The following LAPTM4A variants were observed in gnomAD, a reference collection of about 807,000 sequenced individuals.
The protein encoded by LAPTM4A is lysosomal protein transmembrane 4 alpha.
A neutral mutation model predicts 29.9 loss-of-function variants in LAPTM4A; 19 were observed. That is an observed-to-expected ratio of 0.64 (90% confidence interval 0.44 to 0.93). LAPTM4A has a LOEUF of 0.93. Among genes scored for constraint, LAPTM4A ranks in the 40% least tolerant of loss-of-function variants. The pLI, the probability that LAPTM4A is intolerant of heterozygous loss-of-function variation, is 0.00. For synonymous variants in LAPTM4A, 105 were observed against 102.1 expected (o/e 1.03, Z -0.17); for missense variants, 293 against 288.5 (o/e 1.02, Z -0.11).
At chr2:20,044,549 G>A (rs759006234) in intron 1 of LAPTM4A, among the ~76,000 whole-genome samples, 1 of 152,306 alleles carries the variant, frequency 6.6e-6, no homozygotes, top group African/African-American at 2.4e-5. Context: ...AGGATCGCCT[G>A]AGCTCTGGAG....
At chr2:20,035,685 A>G (rs191227465) in intron 4 of LAPTM4A, among the ~76,000 whole-genome samples, 1 of 152,370 alleles carries the variant, frequency 6.6e-6, no homozygotes, top group African/African-American at 2.4e-5. Flanking sequence ...GAAAGGTGTT[A>G]TAAAAGAAGA....
chr2:20,037,286 A>G, intron 4 of LAPTM4A, 30 bp downstream of exon 4: 1 of 1,532,210 alleles, frequency 6.5e-7, no homozygotes, highest in Non-Finnish European at 8.8e-7. Context: ...AAATGAAAAA[A>G]AAATAAGTTT....
At chr2:20,047,594 G>T (rs1406685545) in intron 1 of LAPTM4A, among the ~76,000 whole-genome samples, 1 of 150,218 alleles carries the variant, frequency 6.7e-6, no homozygotes, top group African/African-American at 2.4e-5. Flanking sequence ...GGAGGCTGAG[G>T]CAGGAGAATG....
At chr2:20,034,495 C>CT in intron 5 of LAPTM4A, 80 bp from the exon 6 acceptor site, 1 of 947,848 alleles carries the variant, frequency 1.1e-6, no homozygotes, top group Non-Finnish European at 1.7e-6. Context: ...ACTTAGAATG[C>CT]TTTCCCCACA....
Position 20,034,387 on chromosome 2 carries a change from C to A in LAPTM4A, c.557G>T (p.Cys186Phe). Residue 186 changes from cysteine (C) to phenylalanine (F), a missense_variant, in exon 6 of 7, where the codon TGC becomes TTC. Physicochemically the swap from Cys to Phe is radical, Grantham distance 205. Transcript: ENST00000175091. ...GTTTCGGTTGTTGATGTATTTATAGCAGTTCCAAACACAGTTAATTAGATA... is the reference window on the plus strand; with the variant it reads ...GTTTCGGTTGTTGATGTATTTATAGAAGTTCCAAACACAGTTAATTAGATA... ...KAYLINCVWN[C>F]YKYINNRNVP... 6.2e-7 allele frequency: 1 copy of A among 1,613,594 alleles called. No homozygotes were observed. Among genetic ancestry groups the A allele is most frequent in the Middle Eastern group, 1.7e-4 (1 of 6,058 alleles).
chr2:20,047,117 T>C (rs1393832435), intron 1 of LAPTM4A, among the ~76,000 whole-genome samples: 4 of 151,762 alleles, frequency 2.6e-5, no homozygotes, highest in Non-Finnish European at 5.9e-5. Context: ...TGGCTGGGCA[T>C]GGTAGCTCAC....
intron 1 of LAPTM4A, among the ~76,000 whole-genome samples, chr2:20,049,507 G>A (rs1398951): frequency 9.9e-5 from 15 of 152,002 alleles, no homozygotes; most frequent in African/African-American, 3.6e-4. Context: ...ATAAGCGCCC[G>A]TAATGAAGTT....
chr2:20,033,133 T>C lies in LAPTM4A; in HGVS notation c.*72A>G. On this transcript the variant is annotated 3_prime_UTR_variant, in exon 7 of 7. Transcript: ENST00000175091. ...TATATCAAACAAGTTTGAAGAGCCC[T>C]GAATTGCAGCATTCTGTAACATAAA... is the stretch of plus-strand genomic sequence containing the variant. 1 of 1,247,090 alleles carries C rather than the reference T, an allele frequency of 8.0e-7. No individual in the cohort carries two copies. Among genetic ancestry groups the C allele is most frequent in the South Asian group, 1.2e-5 (1 of 83,038 alleles). 77.3% of individuals were successfully genotyped at this position (1,247,090 alleles called of 1,614,324 possible). A position where few individuals can be genotyped will look rare whatever the true frequency, so the allele number is the denominator to read the frequency against.
intron 1 of LAPTM4A, among the ~76,000 whole-genome samples, chr2:20,045,492 T>C (rs1208224913): frequency 6.6e-6 from 1 of 151,972 alleles, no homozygotes; most frequent in Non-Finnish European, 1.5e-5. Context: ...GATTAAATTA[T>C]TAACTTCTAA....
intron 4 of LAPTM4A, 81 bp downstream of exon 4, chr2:20,037,235 C>G (rs963462327): frequency 3.9e-5 from 49 of 1,248,296 alleles, no homozygotes; most frequent in Non-Finnish European, 5.3e-5. Flanking sequence ...AAAAATAATA[C>G]CTAAGGCTGA....
intron 1 of LAPTM4A, among the ~76,000 whole-genome samples, chr2:20,047,416 C>T (rs1202480800): frequency 2.9e-4 from 42 of 147,174 alleles, no homozygotes; most frequent in African/African-American, 1.1e-3. Flanking sequence ...AAAGGCCGGG[C>T]GCGGTGGCTC....
intron 1 of LAPTM4A, among the ~76,000 whole-genome samples, chr2:20,045,787 G>C (rs929259318): frequency 1.2e-4 from 19 of 152,072 alleles, no homozygotes; most frequent in African/African-American, 4.3e-4. Context: ...AAGATTCTCT[G>C]GAGACTTTAA....
At chr2:20,051,193 C>T (rs1441956779) in intron 1 of LAPTM4A, among the ~76,000 whole-genome samples, 3 of 152,150 alleles carry the variant, frequency 2.0e-5, no homozygotes, top group Non-Finnish European at 4.4e-5. Flanking sequence ...ACAATCTCCC[C>T]ATGCTTACCA....
chr2:20,038,892 A>G (rs1673736586), intron 2 of LAPTM4A, among the ~76,000 whole-genome samples: 1 of 152,170 alleles, frequency 6.6e-6, no homozygotes, highest in African/African-American at 2.4e-5. Context: ...ACAACTGCTG[A>G]ATATTCCCTA....
chr2:20,043,211 C>CTTTT (rs768927745), intron 1 of LAPTM4A, among the ~76,000 whole-genome samples: 2 of 78,286 alleles, frequency 2.6e-5, no homozygotes, highest in Non-Finnish European at 5.0e-5. Flanking sequence ...TAGCTGGGAC[C>CTTTT]TTTTTTTTTT....
intron 1 of LAPTM4A, among the ~76,000 whole-genome samples, chr2:20,050,286 T>G (rs894508882): frequency 4.6e-5 from 7 of 152,210 alleles, no homozygotes; most frequent in Non-Finnish European, 1.5e-5. Flanking sequence ...CATCTGGCGT[T>G]TGTCCAAATG....
chr2:20,035,234 T>C (rs1193171021), intron 4 of LAPTM4A, 172 bp from the exon 5 acceptor site: 1 of 590,310 alleles, frequency 1.7e-6, no homozygotes, highest in Non-Finnish European at 3.1e-6. Flanking sequence ...CTTATCACCA[T>C]TAATGCATGC....
In LAPTM4A at chr2:20,040,972, C is replaced by T. The variant is rs1673783493; in HGVS notation, c.151G>A (p.Val51Met). ...LLMAILLTVE[V>M]THPNSMPAVN... ...GCTGGCATGGAGTTTGGATGAGTCACTTCCACAGTCAGCAAAATTGCCATC... is the reference window on the plus strand; with the variant it reads ...GCTGGCATGGAGTTTGGATGAGTCATTTCCACAGTCAGCAAAATTGCCATC... Residue 51 changes from valine (V) to methionine (M), a missense_variant, in exon 2 of 7, where the codon GTG becomes ATG. Transcript: ENST00000175091. The T allele has an allele frequency of 3.1e-6, 5 of 1,613,728 alleles. No homozygotes were observed. Among genetic ancestry groups the T allele is most frequent in the Non-Finnish European group, 4.2e-6 (5 of 1,179,610 alleles).
At chr2:20,033,960 G>A (rs140704251) in intron 6 of LAPTM4A, among the ~76,000 whole-genome samples, 1 of 152,152 alleles carries the variant, frequency 6.6e-6, no homozygotes, top group East Asian at 1.9e-4. Context: ...GGATCATATG[G>A]ATGTTTTCTG....
Sources: allele counts gnomAD v4.1 joint callset (sites outside exome capture counted in the v4.1 genomes callset), GRCh38; gene constraint gnomAD v4.1.1; transcripts MANE v1.5; gene names NCBI Gene and HGNC (gene_info 2026-07-23, HGNC 2026-07-21).